The following CCBE1 variants were observed in gnomAD, a reference collection of about 807,000 sequenced individuals.
CCBE1 encodes the protein collagen and calcium binding EGF domains 1.
Under a neutral mutation model 50.0 loss-of-function variants are expected in CCBE1, and 37 were observed. The observed-to-expected ratio is 0.74, with a 90% confidence interval of 0.57 to 0.97. The LOEUF (loss-of-function observed/expected upper bound fraction) is 0.97, where lower values mean the gene tolerates loss of function less well. Ranked by LOEUF, CCBE1 falls within the 50% of genes least tolerant of loss-of-function variation. The pLI is 0.00. For missense variants in CCBE1, 538 were observed against 523.8 expected (o/e 1.03, Z -0.26); for synonymous variants, 234 against 203.7 (o/e 1.15, Z -1.27).
intron 3 of CCBE1, among the ~76,000 whole-genome samples, chr18:59,473,757 C>CCTAT (rs1912162130): frequency 7.8e-6 from 1 of 127,808 alleles, no homozygotes. Flanking sequence ...CCACTACTCA[C>CCTAT]CTTCCAACCT....
intron 2 of CCBE1, among the ~76,000 whole-genome samples, chr18:59,497,459 A>C (rs910975761): frequency 6.6e-6 from 1 of 152,198 alleles, no homozygotes; most frequent in Non-Finnish European, 1.5e-5. Context: ...AGCCCATCAA[A>C]AATTACCATA....
At chr18:59,562,112 A>G (rs986917487) in intron 2 of CCBE1, among the ~76,000 whole-genome samples, 4 of 152,224 alleles carry the variant, frequency 2.6e-5, no homozygotes, top group Admixed American at 6.5e-5. Flanking sequence ...ACTGCTTTAA[A>G]TAATACTTAC....
intron 2 of CCBE1, among the ~76,000 whole-genome samples, chr18:59,682,960 T>C (rs1370143416): frequency 6.6e-6 from 1 of 152,252 alleles, no homozygotes; most frequent in Non-Finnish European, 1.5e-5. Flanking sequence ...AGAGTGGAGC[T>C]TTCCTTTGTA....
At chr18:59,473,703 C>CA (rs1912152594) in intron 3 of CCBE1, among the ~76,000 whole-genome samples, 1 of 96,166 alleles carries the variant, frequency 1.0e-5, no homozygotes. Context: ...TCCCACTACT[C>CA]CCCCCCTACT....
At chr18:59,627,133 G>A (rs1362749784) in intron 2 of CCBE1, among the ~76,000 whole-genome samples, 1 of 152,028 alleles carries the variant, frequency 6.6e-6, no homozygotes, top group Non-Finnish European at 1.5e-5. Context: ...CAATTCATGG[G>A]GTATACTGTG....
At chr18:59,597,290 C>T (rs557499063) in intron 2 of CCBE1, among the ~76,000 whole-genome samples, 32 of 152,326 alleles carry the variant, frequency 2.1e-4, no homozygotes, top group African/African-American at 7.5e-4. Context: ...ACTTTGAATG[C>T]CTGGGCATGC....
chr18:59,560,003 G>T (rs959596992), intron 2 of CCBE1, among the ~76,000 whole-genome samples: 4 of 152,128 alleles, frequency 2.6e-5, no homozygotes, highest in Admixed American at 6.5e-5. Flanking sequence ...AGGGCTATAT[G>T]CATAGCCCTA....
chr18:59,451,793 T>G (rs1229618537), intron 6 of CCBE1, among the ~76,000 whole-genome samples: 1 of 152,108 alleles, frequency 6.6e-6, no homozygotes, highest in South Asian at 2.1e-4. Context: ...ATCCTGCATA[T>G]GTACCCCAGA....
Position 59,643,161 on chromosome 18 carries a change from A to G in CCBE1, c.212+53468T>C, listed in dbSNP as rs552242429. Among the ~76,000 whole-genome samples the G allele has an allele frequency of 4.6e-5, 7 of 152,250 alleles. No individual in the cohort carries two copies. The South Asian group carries it at 1.5e-3, about 32-fold the overall frequency. ...TCCTCCCAGATGTCGTTCATCTGCC[A>G]TTAGACACAAATACATTTTCCAATT... is the stretch of plus-strand genomic sequence containing the variant. On this transcript the variant is annotated intron_variant, in intron 2 of 10. Coordinates refer to ENST00000439986, the MANE Select transcript of CCBE1 (RefSeq NM_133459.4).
chr18:59,551,035 GAAAAGAAAAGAAAA>G (rs1441664887), intron 2 of CCBE1, among the ~76,000 whole-genome samples: 148 of 100,434 alleles, frequency 1.5e-3, no homozygotes, highest in Admixed American at 0.013. Context: ...AAAAAGAAAA[GAAAAGAAAAGAAAA>G]AAAAGAAAAA....
intron 2 of CCBE1, among the ~76,000 whole-genome samples, chr18:59,642,128 G>A (rs2053999010): frequency 6.6e-6 from 1 of 152,018 alleles, no homozygotes; most frequent in Non-Finnish European, 1.5e-5. Flanking sequence ...CAAAGTATTA[G>A]TATTAAAATC....
intron 2 of CCBE1, among the ~76,000 whole-genome samples, chr18:59,493,905 A>G (rs1324330578): frequency 1.3e-5 from 2 of 152,140 alleles, no homozygotes; most frequent in African/African-American, 4.8e-5. Flanking sequence ...AGATCTGATG[A>G]TTTTTTAAAA....
chr18:59,675,579 A>G (rs2054490249), intron 2 of CCBE1, among the ~76,000 whole-genome samples: 1 of 152,152 alleles, frequency 6.6e-6, no homozygotes, highest in Admixed American at 6.5e-5. Flanking sequence ...TCTCAACTCC[A>G]TTCTTTTGAT....
At chr18:59,697,697 C>T (rs1315824370), upstream of CCBE1, 2 of 234,378 alleles carry the variant, frequency 8.5e-6, no homozygotes, top group Non-Finnish European at 1.7e-5. Context: ...TTCCCTCTCC[C>T]TCCTCTGGGA....
intron 2 of CCBE1, among the ~76,000 whole-genome samples, chr18:59,574,175 TATA>T (rs143442698): frequency 0.012 from 1,794 of 152,312 alleles, 31 homozygotes; most frequent in African/African-American, 0.041. Flanking sequence ...GTGATCTGAT[TATA>T]ATAATGTTAG....
intron 5 of CCBE1, among the ~76,000 whole-genome samples, chr18:59,463,651 A>AG (rs111786211): frequency 0.053 from 8,133 of 152,260 alleles, 711 homozygotes; most frequent in African/African-American, 0.18. Flanking sequence ...ACTCTCCCTC[A>AG]CAGGCAGGAA....
intron 2 of CCBE1, among the ~76,000 whole-genome samples, chr18:59,628,714 G>C (rs1473773890): frequency 6.6e-6 from 1 of 152,112 alleles, no homozygotes; most frequent in Non-Finnish European, 1.5e-5. Flanking sequence ...CTCCTCACCC[G>C]AGGACCCAGA....
At chr18:59,586,350 AAC>A (rs974908897) in intron 2 of CCBE1, among the ~76,000 whole-genome samples, 10 of 152,178 alleles carry the variant, frequency 6.6e-5, no homozygotes, top group African/African-American at 1.7e-4. Flanking sequence ...AATCTACACA[AAC>A]ACACTTGAGA....
intron 2 of CCBE1, among the ~76,000 whole-genome samples, chr18:59,606,370 A>G (rs1037578898): frequency 1.3e-5 from 2 of 152,226 alleles, no homozygotes; most frequent in Non-Finnish European, 2.9e-5. Flanking sequence ...CGCAAAGCAC[A>G]TGCTTGAAAT....
Sources: gnomAD v4.1 joint callset for allele counts (sites outside exome capture counted in the v4.1 genomes callset) on GRCh38, gnomAD v4.1.1 for gene constraint, MANE v1.5 for transcripts, NCBI Gene and HGNC (gene_info 2026-07-23, HGNC 2026-07-21) for gene names.